C12orf50: variants seen among roughly 807,000 people sequenced by gnomAD.
The protein encoded by C12orf50 is zinc finger CCCH-type containing 11D.
C12orf50 carries 35 observed loss-of-function variants against 61.6 expected under a neutral mutation model. The ratio of observed to expected loss-of-function variants is 0.57; its 90% CI spans 0.43 to 0.75. The LOEUF (loss-of-function observed/expected upper bound fraction) is 0.75. Ranked by LOEUF, C12orf50 falls within the 30% of genes least tolerant of loss-of-function variation. The pLI, the probability that C12orf50 is intolerant of heterozygous loss-of-function variation, is 0.00. For synonymous variants in C12orf50, 178 were observed against 161.5 expected, an observed-to-expected ratio of 1.10 and a Z score of -0.77; for missense variants, 475 against 488.5, an observed-to-expected ratio of 0.97 and a Z score of 0.26.
chr12:88,013,436 ATTAC>A (rs1458638922), intron 3 of C12orf50, among the ~76,000 whole-genome samples: 1 of 152,166 alleles, frequency 6.6e-6, no homozygotes, highest in Non-Finnish European at 1.5e-5. Context: ...CAGACTGAAT[ATTAC>A]ACATTGTTGA....
intron 3 of C12orf50, 52 bp downstream of exon 3, chr12:88,026,436 C>A: frequency 6.3e-7 from 1 of 1,580,736 alleles, no homozygotes; most frequent in Non-Finnish European, 8.6e-7. Flanking sequence ...GCTGCTAGTC[C>A]AAAACCAGAT....
At chr12:88,016,734 C>G (rs558449049) in intron 3 of C12orf50, among the ~76,000 whole-genome samples, 300 of 152,294 alleles carry the variant, frequency 2.0e-3, no homozygotes, top group Admixed American at 3.2e-3. Context: ...TGAGATTCAT[C>G]AGTGAACAAA....
intron 3 of C12orf50, among the ~76,000 whole-genome samples, chr12:88,018,745 G>C (rs2032404784): frequency 6.6e-6 from 1 of 152,200 alleles, no homozygotes; most frequent in South Asian, 2.1e-4. Flanking sequence ...CTGGATGTGA[G>C]ACCTGGAGTC....
At chr12:88,014,696 C>T (rs35389454) in intron 3 of C12orf50, among the ~76,000 whole-genome samples, 7,388 of 152,238 alleles carry the variant, frequency 0.049, 238 homozygotes, top group Non-Finnish European at 0.074. Flanking sequence ...CTCTGTGGAC[C>T]TCATTGTCTT....
intron 3 of C12orf50, among the ~76,000 whole-genome samples, chr12:88,012,081 T>A (rs1420756444): frequency 6.6e-6 from 1 of 152,164 alleles, no homozygotes; most frequent in Non-Finnish European, 1.5e-5. Flanking sequence ...TCCCATTTGT[T>A]TTTTGGGGTA....
Position 87,988,037 on chromosome 12 carries a change from A to G in C12orf50, c.701-71T>C, listed in dbSNP as rs1364927381. The G allele has an allele frequency of 4.3e-6, 4 of 921,008 alleles. No homozygotes were observed. The Admixed American group carries it at 6.6e-5, about 15-fold the overall frequency. The allele number at this position is 921,008 out of a possible 1,614,324, so 57.1% of individuals were successfully genotyped here. A position where few individuals can be genotyped will look rare whatever the true frequency, so the allele number is the denominator to read the frequency against. On this transcript the variant is annotated intron_variant, in intron 8 of 12. Coordinates refer to ENST00000298699, the MANE Select transcript of C12orf50 (RefSeq NM_152589.3). Reference sequence around the variant, plus strand: ...AAAAAAGCATTTCAGTTGTTATTTCACTATTCAAACATTACATAATGGGAA... The same window carrying G: ...AAAAAAGCATTTCAGTTGTTATTTCGCTATTCAAACATTACATAATGGGAA...
At chr12:88,009,122 T>TA (rs1262321836) in intron 3 of C12orf50, among the ~76,000 whole-genome samples, 1 of 152,148 alleles carries the variant, frequency 6.6e-6, no homozygotes, top group Non-Finnish European at 1.5e-5. Context: ...TTAATACATG[T>TA]ATCCAGATGT....
chr12:88,013,113 T>G (rs1565756775), intron 3 of C12orf50, among the ~76,000 whole-genome samples: 1 of 152,102 alleles, frequency 6.6e-6, no homozygotes, highest in Non-Finnish European at 1.5e-5. Context: ...TCCTGGGATT[T>G]TTTTTAAAGA....
At chr12:88,000,241 T>C (rs912067918) in intron 3 of C12orf50, among the ~76,000 whole-genome samples, 3 of 152,126 alleles carry the variant, frequency 2.0e-5, no homozygotes, top group African/African-American at 7.2e-5. Context: ...TTACTTTGCA[T>C]GTGACTATCT....
At chr12:88,010,247 A>T (rs2136461633) in intron 3 of C12orf50, among the ~76,000 whole-genome samples, 1 of 152,076 alleles carries the variant, frequency 6.6e-6, no homozygotes, top group African/African-American at 2.4e-5. Flanking sequence ...ATCTGGTTGA[A>T]CAAGTTCTAT....
chr12:88,020,845 G>T (rs781311831), intron 3 of C12orf50, among the ~76,000 whole-genome samples: 6 of 150,302 alleles, frequency 4.0e-5, no homozygotes, highest in Non-Finnish European at 8.9e-5. Context: ...ATGCCCTCAG[G>T]CCACAGCACA....
At chr12:87,987,792 A>G in intron 9 of C12orf50, 58 bp downstream of exon 9, 2 of 1,117,726 alleles carry the variant, frequency 1.8e-6, no homozygotes, top group Admixed American at 2.2e-5. Context: ...TAAGCAAAAC[A>G]AATCCATGGT....
chr12:87,996,618 A>G lies in C12orf50; in HGVS notation c.318T>C (p.Pro106=), dbSNP rs780106077. Residue 106 remains proline (P), a synonymous_variant, in exon 5 of 13, where the codon CCT becomes CCC. Coordinates refer to ENST00000298699, the MANE Select transcript of C12orf50 (RefSeq NM_152589.3). ...NDASSLWTKT[P]EEIEEKRAIK... ...TTGCTCTTTTTTCTTCAATTTCTTC[A>G]GGGGTCTTTGTCCATAAACTAGAAG... The G allele has an allele frequency of 3.1e-6, 5 of 1,609,918 alleles. No homozygotes were observed. Among genetic ancestry groups the G allele is most frequent in the Non-Finnish European group, 2.5e-6 (3 of 1,176,754 alleles).
intron 7 of C12orf50, 68 bp from the exon 8 acceptor site, chr12:87,989,439 G>T: frequency 1.8e-6 from 2 of 1,124,002 alleles, no homozygotes; most frequent in Non-Finnish European, 1.3e-6. Flanking sequence ...TTCAATACAG[G>T]AACATTTTCT....
At chr12:87,987,751 T>C (rs2030899591) in intron 9 of C12orf50, 99 bp downstream of exon 9, 2 of 806,306 alleles carry the variant, frequency 2.5e-6, no homozygotes, top group South Asian at 1.6e-5. Flanking sequence ...TTTAAACCTT[T>C]TTTCTTTCTT....
At position 87,986,141 on chromosome 12, in the gene C12orf50, C is replaced by A; in HGVS notation, c.923-88G>T. The A allele has an allele frequency of 2.8e-6, 4 of 1,443,728 alleles. No individual in the cohort carries two copies. The South Asian group carries it at 4.9e-5, about 18-fold the overall frequency. 89.4% of individuals were successfully genotyped at this position (1,443,728 alleles called of 1,614,324 possible). A position where few individuals can be genotyped will look rare whatever the true frequency, so the allele number is the denominator to read the frequency against. On this transcript the variant is annotated intron_variant, in intron 10 of 12. Coordinates refer to ENST00000298699, the MANE Select transcript of C12orf50 (RefSeq NM_152589.3). ...ATATTGCACTGCAAATACTTCATAG[C>A]ATAATGGAAGCCAATAGAAGCCAAA...
intron 12 of C12orf50, among the ~76,000 whole-genome samples, chr12:87,982,130 A>T (rs1447908871): frequency 2.6e-5 from 4 of 152,130 alleles, no homozygotes; most frequent in Non-Finnish European, 2.9e-5. Context: ...CTTCACCCAT[A>T]GGAGGATCAT....
intron 3 of C12orf50, among the ~76,000 whole-genome samples, chr12:88,019,816 G>A (rs1316658789): frequency 6.6e-6 from 1 of 152,110 alleles, no homozygotes; most frequent in Non-Finnish European, 1.5e-5. Flanking sequence ...ACAAAGCGAA[G>A]TCCATCAGGC....
At chr12:87,990,003 A>G (rs1482297695) in intron 7 of C12orf50, among the ~76,000 whole-genome samples, 1 of 152,126 alleles carries the variant, frequency 6.6e-6, no homozygotes, top group Non-Finnish European at 1.5e-5. Context: ...TACTGCCTCT[A>G]ATAATCCAAT....
Sources: gnomAD v4.1 joint callset for allele counts (sites outside exome capture counted in the v4.1 genomes callset) on GRCh38, gnomAD v4.1.1 for gene constraint, MANE v1.5 for transcripts, NCBI Gene and HGNC (gene_info 2026-07-23, HGNC 2026-07-21) for gene names.